The following ITPR2 variants were observed in gnomAD, a reference collection of about 807,000 sequenced individuals.
The protein encoded by ITPR2 is inositol 1,4,5-trisphosphate receptor type 2, also known as inositol 1,4,5-trisphosphate-gated calcium channel ITPR2.
ITPR2 carries 207 observed loss-of-function variants against 317.1 expected under a neutral mutation model. The ratio of observed to expected loss-of-function variants is 0.65; its 90% CI spans 0.58 to 0.73. ITPR2 has a LOEUF of 0.73. Among genes scored for constraint, ITPR2 ranks in the 30% least tolerant of loss-of-function variants. ITPR2 has a pLI of 0.00. For synonymous variants in ITPR2, 1,156 were observed against 1,149.1 expected, an observed-to-expected ratio of 1.01 and a Z score of -0.12; for missense variants, 2,613 against 3,284.0, an observed-to-expected ratio of 0.80 and a Z score of 4.99.
intron 13 of ITPR2, among the ~76,000 whole-genome samples, chr12:26,680,976 C>T (rs1310923514): frequency 1.3e-5 from 2 of 152,154 alleles, no homozygotes; most frequent in Admixed American, 1.3e-4. Flanking sequence ...GTGCATACAT[C>T]AATTATCATC....
intron 34 of ITPR2, among the ~76,000 whole-genome samples, chr12:26,563,935 G>A (rs776418272): frequency 9.2e-5 from 14 of 152,130 alleles, no homozygotes; most frequent in Non-Finnish European, 1.9e-4. Context: ...ATACCATTAA[G>A]AATAACCAAT....
chr12:26,614,410 C>G (rs1468397364), intron 26 of ITPR2, among the ~76,000 whole-genome samples: 1 of 152,082 alleles, frequency 6.6e-6, no homozygotes, highest in African/African-American at 2.4e-5. Flanking sequence ...GCTAGCAGCG[C>G]CCCCTGCCAA....
intron 13 of ITPR2, among the ~76,000 whole-genome samples, chr12:26,676,772 A>G (rs1223542149): frequency 6.8e-6 from 1 of 146,200 alleles, no homozygotes; most frequent in African/African-American, 2.4e-5. Flanking sequence ...AATAAAATAA[A>G]TGTTTTAAGT....
rs61757114 is a variant in ITPR2 at position 26,602,684 on chromosome 12, A to C, written c.3485T>G (p.Val1162Gly). ...CTGAGGTTTCTTTGTTCCATCCTGCACTGGACTTAAAATGTTTGATTCCTA... is the reference window on the plus strand; with the variant it reads ...CTGAGGTTTCTTTGTTCCATCCTGCCCTGGACTTAAAATGTTTGATTCCTA... Reference protein sequence around the residue: ...PIEESNILSPVQDGTKKPQID... With the variant: ...PIEESNILSPGQDGTKKPQID... Residue 1162 changes from valine (V) to glycine (G), a missense_variant, in exon 27 of 57, where the codon GTG (valine) becomes GGG (glycine). Transcript: ENST00000381340. The C allele has an allele frequency of 1.3e-3, 2,036 of 1,603,300 alleles. 2 individuals are homozygous for C. Among genetic ancestry groups the C allele is most frequent in the Non-Finnish European group, 1.5e-3 (1,773 of 1,173,374 alleles).
In ITPR2 at chr12:26,463,522, G is replaced by A. The variant is rs185152447; in HGVS notation, c.6342+11774C>T. Among the ~76,000 whole-genome samples the A allele has an allele frequency of 2.6e-3, 397 of 152,000 alleles. 2 individuals are homozygous for A. Among genetic ancestry groups the A allele is most frequent in the African/African-American group, 9.0e-3 (375 of 41,464 alleles). ...CTCTACTAAAAACACAAAATTAGCCGGTCGTGGTGGCATGCACCTGCAATC... is the reference window on the plus strand; with the variant it reads ...CTCTACTAAAAACACAAAATTAGCCAGTCGTGGTGGCATGCACCTGCAATC... On this transcript the variant is annotated intron_variant, in intron 45 of 56. Coordinates refer to ENST00000381340, the MANE Select transcript of ITPR2 (RefSeq NM_002223.4).
At chr12:26,556,113 T>C in intron 36 of ITPR2, 120 bp downstream of exon 36, 1 of 851,092 alleles carries the variant, frequency 1.2e-6, no homozygotes, top group Admixed American at 2.8e-5. Flanking sequence ...TTAACATGGA[T>C]TTTAGACCTT....
chr12:26,737,268 C>A (rs1390644091), intron 2 of ITPR2, among the ~76,000 whole-genome samples: 1 of 149,622 alleles, frequency 6.7e-6, no homozygotes, highest in Non-Finnish European at 1.5e-5. Context: ...TTCTTTCTTT[C>A]TTTTTTTTAA....
intron 55 of ITPR2, among the ~76,000 whole-genome samples, chr12:26,342,660 AGTGCAATG>A (rs1938169463): frequency 6.6e-6 from 1 of 152,090 alleles, no homozygotes. Context: ...TCCAGGCTGA[AGTGCAATG>A]GCACAATCTC....
rs778237310 is a variant in ITPR2, at chr12:26,336,343, G to C, written c.*3054C>G. Among the ~76,000 whole-genome samples the C allele has an allele frequency of 6.6e-6, 1 of 152,170 alleles. No homozygotes were observed. The highest frequency in any genetic ancestry group is 1.5e-5 in the Non-Finnish European group (1 of 68,028). On this transcript the variant is annotated 3_prime_UTR_variant, in exon 57 of 57. Transcript: ENST00000381340. ...GAGCAGCCAAAACAGGGAGTTATGA[G>C]CTGAGAATATGGGAATAAGCACACA...
At chr12:26,563,883 T>C (rs901214320) in intron 34 of ITPR2, among the ~76,000 whole-genome samples, 9 of 152,200 alleles carry the variant, frequency 5.9e-5, no homozygotes, top group South Asian at 2.1e-4. Context: ...TTACGGACTT[T>C]CCTAATTACG....
chr12:26,805,568 C>CT, intron 1 of ITPR2, among the ~76,000 whole-genome samples: 1 of 151,924 alleles, frequency 6.6e-6, no homozygotes, highest in South Asian at 2.1e-4. Context: ...TACTGACCAG[C>CT]TACTTTGTGC....
chr12:26,540,059 T>C (rs1432592279), intron 37 of ITPR2, among the ~76,000 whole-genome samples: 2 of 152,154 alleles, frequency 1.3e-5, no homozygotes, highest in South Asian at 2.1e-4. Context: ...TAGTATACCA[T>C]TTTGTGGAGG....
At chr12:26,572,312 C>T (rs1271467621) in intron 34 of ITPR2, among the ~76,000 whole-genome samples, 2 of 152,100 alleles carry the variant, frequency 1.3e-5, no homozygotes, top group African/African-American at 4.8e-5. Flanking sequence ...GTCATTCATG[C>T]TAAGTGCCAC....
At chr12:26,379,706 C>T (rs192272193) in intron 55 of ITPR2, among the ~76,000 whole-genome samples, 1 of 152,288 alleles carries the variant, frequency 6.6e-6, no homozygotes, top group Admixed American at 6.5e-5. Context: ...CAGCCAGAGG[C>T]CTCCAGAGTC....
intron 1 of ITPR2, chr12:26,800,803 T>A (rs1306220726): frequency 6.7e-6 from 1 of 149,988 alleles, no homozygotes; most frequent in East Asian, 1.9e-4. Flanking sequence ...AAGGGCTGGA[T>A]GAGAAGGTTA....
intron 26 of ITPR2, among the ~76,000 whole-genome samples, chr12:26,606,681 C>T (rs1223899236): frequency 6.6e-6 from 1 of 151,944 alleles, no homozygotes; most frequent in East Asian, 1.9e-4. Flanking sequence ...CCTATAACCC[C>T]TATACTTTGG....
At chr12:26,418,977 A>T in intron 50 of ITPR2, 72 bp downstream of exon 50, 2 of 1,295,062 alleles carry the variant, frequency 1.5e-6, no homozygotes, top group Non-Finnish European at 2.1e-6. Context: ...AAAAAATCAA[A>T]GGAAGAGGCA....
At chr12:26,830,417 G>T (rs11048701) in intron 1 of ITPR2, among the ~76,000 whole-genome samples, 24,431 of 152,278 alleles carry the variant, frequency 0.16, 2,323 homozygotes, top group East Asian at 0.22. Flanking sequence ...TTAAAGGTTA[G>T]TCTAGCTTAT....
chr12:26,525,794 T>C (rs540082726), intron 37 of ITPR2, among the ~76,000 whole-genome samples: 2 of 152,338 alleles, frequency 1.3e-5, no homozygotes, highest in African/African-American at 2.4e-5. Flanking sequence ...CTCTACAACC[T>C]TGGGCTCACC....
Sources: allele counts gnomAD v4.1 joint callset (sites outside exome capture counted in the v4.1 genomes callset), GRCh38; gene constraint gnomAD v4.1.1; transcripts MANE v1.5; gene names NCBI Gene and HGNC (gene_info 2026-07-23, HGNC 2026-07-21).